RBFOX1: variants seen among roughly 807,000 people sequenced by gnomAD.
The protein encoded by RBFOX1 is RNA binding fox-1 homolog 1.
A neutral mutation model predicts 57.7 loss-of-function variants in RBFOX1; 8 were observed. The ratio of observed to expected loss-of-function variants is 0.14; its 90% CI spans 0.08 to 0.25. The LOEUF is 0.25. Ranked by LOEUF, RBFOX1 falls within the 10% of genes least tolerant of loss-of-function variation. The pLI, the probability that RBFOX1 is intolerant of heterozygous loss-of-function variation, is 1.00. For synonymous variants in RBFOX1, 326 were observed against 222.4 expected (o/e 1.47, Z -4.15); for missense variants, 611 against 548.5 (o/e 1.11, Z -1.14).
intron 4 of RBFOX1, among the ~76,000 whole-genome samples, chr16:7,356,858 T>A (rs969946022): frequency 6.6e-6 from 1 of 152,178 alleles, no homozygotes; most frequent in African/African-American, 2.4e-5. Flanking sequence ...TCTTTCGTCT[T>A]CAGTATCTGG....
intron 3 of RBFOX1, among the ~76,000 whole-genome samples, chr16:6,741,502 A>T (rs1437897597): frequency 6.6e-6 from 1 of 151,932 alleles, no homozygotes; most frequent in Non-Finnish European, 1.5e-5. Context: ...TGTCTGTATT[A>T]AAAGTACAAA....
chr16:7,217,398 G>T (rs2092287566), intron 4 of RBFOX1, among the ~76,000 whole-genome samples: 1 of 147,662 alleles, frequency 6.8e-6, no homozygotes, highest in African/African-American at 2.5e-5. Context: ...CAAAGTGCTG[G>T]GATTACAGGC....
chr16:6,924,802 G>C (rs1475319099), intron 3 of RBFOX1, among the ~76,000 whole-genome samples: 1 of 150,178 alleles, frequency 6.7e-6, no homozygotes, highest in African/African-American at 2.5e-5. Context: ...TTTAGCATTA[G>C]GTATATCTCC....
chr16:6,511,990 G>A (rs920776030), intron 2 of RBFOX1, among the ~76,000 whole-genome samples: 2 of 152,028 alleles, frequency 1.3e-5, no homozygotes, highest in African/African-American at 4.8e-5. Context: ...AAGAGAACAA[G>A]CAGGACATGG....
At chr16:7,430,533 G>A (rs113794104) in intron 4 of RBFOX1, among the ~76,000 whole-genome samples, 3 of 152,078 alleles carry the variant, frequency 2.0e-5, no homozygotes, top group African/African-American at 7.2e-5. Flanking sequence ...GTGGTGGCAC[G>A]TGCCTGTAGT....
At chr16:7,140,224 T>G (rs556002884) in intron 4 of RBFOX1, among the ~76,000 whole-genome samples, 4 of 145,624 alleles carry the variant, frequency 2.7e-5, no homozygotes, top group Non-Finnish European at 4.5e-5. Context: ...TTGTCCATTT[T>G]CTGAATGGAC....
At chr16:5,794,162 C>G (rs2054797247) in intron 3 of RBFOX1, among the ~76,000 whole-genome samples, 1 of 152,102 alleles carries the variant, frequency 6.6e-6, no homozygotes, top group African/African-American at 2.4e-5. Context: ...GTAAAGTGAG[C>G]ACAGTAACAA....
intron 11 of RBFOX1, among the ~76,000 whole-genome samples, chr16:7,646,465 T>G (rs934620843): frequency 2.0e-5 from 3 of 152,158 alleles, no homozygotes; most frequent in Non-Finnish European, 4.4e-5. Flanking sequence ...CACCCCAAAT[T>G]TGCATGAATC....
chr16:6,657,738 C>T (rs968465452), intron 3 of RBFOX1, among the ~76,000 whole-genome samples: 1 of 152,154 alleles, frequency 6.6e-6, no homozygotes. Context: ...AAACCTGTCT[C>T]TGAAGCGGCA....
chr16:5,762,171 T>C (rs918701933), intron 3 of RBFOX1, among the ~76,000 whole-genome samples: 1 of 152,180 alleles, frequency 6.6e-6, no homozygotes, highest in Non-Finnish European at 1.5e-5. Context: ...CTCCATTCTT[T>C]CCTCTTCATC....
At chr16:5,798,079 T>G (rs1421733191) in intron 3 of RBFOX1, among the ~76,000 whole-genome samples, 2 of 152,218 alleles carry the variant, frequency 1.3e-5, no homozygotes, top group Non-Finnish European at 2.9e-5. Flanking sequence ...CTATGTGTCT[T>G]TGGGCATGTT....
At chr16:7,517,772 C>A (rs960999544) in intron 4 of RBFOX1, among the ~76,000 whole-genome samples, 3 of 145,380 alleles carry the variant, frequency 2.1e-5, no homozygotes, top group Non-Finnish European at 1.5e-5. Flanking sequence ...TCACTGCAGA[C>A]AACTAAATGC....
At chr16:6,808,968 T>G (rs2087688549) in intron 3 of RBFOX1, among the ~76,000 whole-genome samples, 1 of 152,208 alleles carries the variant, frequency 6.6e-6, no homozygotes, top group Non-Finnish European at 1.5e-5. Flanking sequence ...TGAGTCCTTG[T>G]GGATGAACTG....
At chr16:6,906,015 C>T (rs2069797670) in intron 3 of RBFOX1, among the ~76,000 whole-genome samples, 3 of 152,170 alleles carry the variant, frequency 2.0e-5, no homozygotes, top group African/African-American at 7.2e-5. Flanking sequence ...CTCTGCCTTC[C>T]TCTGGTTGGG....
chr16:6,863,303 C>G (rs79419972), intron 3 of RBFOX1, among the ~76,000 whole-genome samples: 3,328 of 152,132 alleles, frequency 0.022, 128 homozygotes, highest in African/African-American at 0.07. Context: ...TGATTAGCAG[C>G]AAATGGTCAA....
At chr16:5,569,289 G>T (rs1256091634) in intron 2 of RBFOX1, among the ~76,000 whole-genome samples, 5 of 150,656 alleles carry the variant, frequency 3.3e-5, no homozygotes, top group Admixed American at 6.6e-5. Context: ...GAGGGGCTTT[G>T]AAAAAAGACA....
At chr16:6,029,302 C>T (rs534794773) in intron 1 of RBFOX1, among the ~76,000 whole-genome samples, 3 of 152,328 alleles carry the variant, frequency 2.0e-5, no homozygotes, top group South Asian at 2.1e-4. Context: ...GAACCATCCA[C>T]CCCATTCTAT....
intron 2 of RBFOX1, among the ~76,000 whole-genome samples, chr16:6,335,363 T>A (rs563450276): frequency 1.8e-4 from 27 of 152,224 alleles, no homozygotes; most frequent in Admixed American, 4.6e-4. Flanking sequence ...AACAAATACG[T>A]CCTCAGAGAA....
chr16:7,494,376 G>C (rs372323745), intron 4 of RBFOX1, among the ~76,000 whole-genome samples: 5 of 152,084 alleles, frequency 3.3e-5, no homozygotes, highest in Admixed American at 6.6e-5. Context: ...TTCCAAGCCC[G>C]CTGTGTGATG....
Sources: gnomAD v4.1 joint callset for allele counts (sites outside exome capture counted in the v4.1 genomes callset) on GRCh38, gnomAD v4.1.1 for gene constraint, MANE v1.5 for transcripts, NCBI Gene and HGNC (gene_info 2026-07-23, HGNC 2026-07-21) for gene names.